FLRT3: variants seen among roughly 807,000 people sequenced by gnomAD.
The protein encoded by FLRT3 is leucine-rich repeat transmembrane protein FLRT3.
A neutral mutation model predicts 42.6 loss-of-function variants in FLRT3; 17 were observed. That is an observed-to-expected ratio of 0.40 (90% CI 0.27 to 0.60). The LOEUF (loss-of-function observed/expected upper bound fraction) is 0.60. FLRT3 is among the 20% of genes least tolerant of loss of function. The pLI is 0.44. For synonymous variants in FLRT3, 279 were observed against 286.4 expected (o/e 0.97, Z 0.26); for missense variants, 635 against 789.2 (o/e 0.80, Z 2.34).
intron 1 of FLRT3, among the ~76,000 whole-genome samples, chr20:14,334,104 A>C: frequency 6.6e-6 from 1 of 152,328 alleles, no homozygotes; most frequent in African/African-American, 2.4e-5. Flanking sequence ...CATATGCAAA[A>C]CAAATGAAAT....
intron 1 of FLRT3, among the ~76,000 whole-genome samples, chr20:14,334,006 T>C (rs1471303766): frequency 6.6e-6 from 1 of 152,226 alleles, no homozygotes; most frequent in Non-Finnish European, 1.5e-5. Flanking sequence ...GAGCAATTTC[T>C]CCCTCCTTTG....
Position 14,326,762 on chromosome 20 carries a change from G to T in FLRT3, c.745C>A (p.Leu249Met). 7 of 1,613,828 alleles carry T rather than the reference G, an allele frequency of 4.3e-6. No individual in the cohort carries two copies. The highest frequency in any genetic ancestry group is 5.9e-6 in the Non-Finnish European group (7 of 1,179,832). Residue 249 changes from leucine (L) to methionine (M), a missense_variant, in exon 3 of 3, where the codon CTG becomes ATG. Physicochemically the swap from Leu to Met is conservative, Grantham distance 15 (BLOSUM62 2). Transcript: ENST00000341420. The surrounding 1 kb of genome is among the most constrained non-coding windows in gnomAD (Gnocchi z 5.5). ...TTATCTTGAAGATAAAGCTTCCTCA[G>T]GTTTGTGCCTGGAAGGTTTACTGGT... ...AAPVNLPGTN[L>M]RKLYLQDNHI...
intron 1 of FLRT3, among the ~76,000 whole-genome samples, chr20:14,334,285 T>C (rs1165823831): frequency 6.6e-6 from 1 of 152,220 alleles, no homozygotes; most frequent in Non-Finnish European, 1.5e-5. Context: ...ATCTGTATTT[T>C]GAAACTGGAA....
At position 14,325,558 on chromosome 20, in the gene FLRT3, C is replaced by T; in HGVS notation, c.1949G>A (p.Ter650=). The stretch of plus-strand genomic sequence containing the variant: ...AAGTCTGCTGTGAGTCCTTCAGCAT[C>T]ATGAGTGTGAGTGATCTGAGTCTGG... ...GIPDSDHSHS[*] The change falls in exon 3 of 3, where the codon TGA becomes TAA. Residue 650 remains the stop codon, a stop_retained_variant. Transcript: ENST00000341420. 6.2e-7 allele frequency: 1 copy of T among 1,606,646 alleles called. No individual in the cohort carries two copies. The highest frequency in any genetic ancestry group is 8.5e-7 in the Non-Finnish European group (1 of 1,175,736).
Position 14,337,506 on chromosome 20 carries a change from C to T in FLRT3, c.-349G>A, listed in dbSNP as rs1216195848. 5.0e-6 allele frequency: 2 copies of T among 398,612 alleles called. No homozygotes were observed. Among genetic ancestry groups the T allele is most frequent in the Non-Finnish European group, 8.8e-6 (2 of 226,176 alleles). 24.7% of individuals were successfully genotyped at this position (398,612 alleles called of 1,614,324 possible). On this transcript the variant is annotated 5_prime_UTR_variant, in exon 1 of 3. Coordinates refer to ENST00000341420, the MANE Select transcript of FLRT3 (RefSeq NM_198391.3). ...GCCCTCCCCCGTCTCCCAAGCTCTG[C>T]GTCCAGTCCACACAAAGCCCACGGC... is the stretch of plus-strand genomic sequence containing the variant.
In FLRT3 at chr20:14,325,903, C is replaced by A. The variant is rs1484982451; in HGVS notation, c.1604G>T (p.Gly535Val). ...PNLPLAAIIG[G>V]AVALVTIALL... ...GGCAATGGTAACCAGGGCCACAGCC[C>A]CACCAATGATGGCAGCCAAAGGTAA... Residue 535 changes from glycine (G) to valine (V), a missense_variant, in exon 3 of 3, where the codon GGG becomes GTG. Transcript: ENST00000341420. The A allele has an allele frequency of 2.6e-5, 42 of 1,613,820 alleles. No homozygotes were observed. In the Admixed American group the frequency reaches 7.0e-4, roughly 27 times the overall value.
rs2082704949 is a variant in FLRT3 at position 14,324,589 on chromosome 20, A to G, written c.*968T>C. On this transcript the variant is annotated 3_prime_UTR_variant, in exon 3 of 3. Transcript: ENST00000341420. ...TCTGGATTGTTGAGGGGAATCGCTT[A>G]TAATTACATTACATTTTTAATATGC... 2 of 152,164 alleles carry G rather than the reference A, an allele frequency of 1.3e-5. No homozygotes were observed. The highest frequency in any genetic ancestry group is 2.9e-5 in the Non-Finnish European group (2 of 68,008). The allele number at this position is 152,164 out of a possible 1,614,324, so 9.4% of individuals were successfully genotyped here.
At position 14,326,454 on chromosome 20, in the gene FLRT3, T is replaced by C. The variant is rs372667293; in HGVS notation, c.1053A>G (p.Glu351=). The C allele has an allele frequency of 4.3e-6, 7 of 1,613,742 alleles. No homozygotes were observed. The African/African-American group carries it at 8.0e-5, about 18-fold the overall frequency. Residue 351 remains glutamate, a synonymous_variant, in exon 3 of 3, where the codon GAA becomes GAG. Transcript: ENST00000341420. This position sits in a 1 kb window ranked among gnomAD's most constrained non-coding sequence, Gnocchi z 5.5. The part of the protein sequence containing the change: ...RGMAIKDLNA[E]LFDCKDSGIV... ...TCCCACTGTCCTTACAATCAAACAG[T>C]TCTGCATTGAGATCCTTAATAGCCA...
intron 1 of FLRT3, among the ~76,000 whole-genome samples, chr20:14,332,496 G>A (rs2082863544): frequency 6.6e-6 from 1 of 152,100 alleles, no homozygotes; most frequent in African/African-American, 2.4e-5. Context: ...CTGTATAATA[G>A]TAGTGCTAAC....
rs550749191 is a variant in FLRT3, at chr20:14,335,693, C to T, written c.-247+1711G>A. On this transcript the variant is annotated intron_variant, in intron 1 of 2. Transcript: ENST00000341420. ...TAACTGGTAGACAGTTTTACAGAAC[C>T]GCAATATTAATGAATTCATTATGTT... Among the ~76,000 whole-genome samples the T allele has an allele frequency of 1.1e-4, 17 of 152,118 alleles. 1 individual carries two copies. The highest frequency in any genetic ancestry group is 6.5e-4 in the Admixed American group (10 of 15,278).
intron 1 of FLRT3, among the ~76,000 whole-genome samples, chr20:14,334,149 C>T (rs1205733695): frequency 6.6e-6 from 1 of 152,132 alleles, no homozygotes. Flanking sequence ...CTATTGCTTT[C>T]TACTTAAAAT....
intron 1 of FLRT3, among the ~76,000 whole-genome samples, chr20:14,335,098 G>T (rs1327198641): frequency 6.6e-6 from 1 of 152,130 alleles, no homozygotes; most frequent in Non-Finnish European, 1.5e-5. Flanking sequence ...TTTTTGTAGG[G>T]CTTAAAACTG....
intron 1 of FLRT3, among the ~76,000 whole-genome samples, chr20:14,332,370 G>A (rs1219559146): frequency 1.3e-5 from 2 of 152,058 alleles, no homozygotes; most frequent in Non-Finnish European, 2.9e-5. Flanking sequence ...TCAAGAGCTT[G>A]CGGCAATCTA....
intron 1 of FLRT3, among the ~76,000 whole-genome samples, chr20:14,334,270 T>C (rs2082896592): frequency 1.3e-5 from 2 of 152,214 alleles, no homozygotes; most frequent in African/African-American, 4.8e-5. Flanking sequence ...AATTGAGTGA[T>C]GTCGATCTGT....
Position 14,324,597 on chromosome 20 carries a change from A to G in FLRT3, c.*960T>C, listed in dbSNP as rs550412395. On this transcript the variant is annotated 3_prime_UTR_variant, in exon 3 of 3. Coordinates refer to ENST00000341420, the MANE Select transcript of FLRT3 (RefSeq NM_198391.3). The stretch of plus-strand genomic sequence containing the variant: ...GTTGAGGGGAATCGCTTATAATTAC[A>G]TTACATTTTTAATATGCATAAAGTT... The G allele has an allele frequency of 6.6e-6, 1 of 152,190 alleles. No homozygotes were observed. The highest frequency in any genetic ancestry group is 1.5e-5 in the Non-Finnish European group (1 of 68,014). 9.4% of individuals were successfully genotyped at this position (152,190 alleles called of 1,614,324 possible).
In FLRT3 at chr20:14,325,893, G is replaced by A; in HGVS notation, c.1614C>T (p.Ala538=). ...AAGCAAGAAGGGCAATGGTAACCAG[G>A]GCCACAGCCCCACCAATGATGGCAG... is the stretch of plus-strand genomic sequence containing the variant. ...PLAAIIGGAV[A]LVTIALLALV... is the part of the protein sequence containing the mutation. Residue 538 remains alanine (A), a synonymous_variant, in exon 3 of 3, where the codon GCC becomes GCT. Transcript: ENST00000341420. The A allele has an allele frequency of 6.2e-7, 1 of 1,613,884 alleles. No individual in the cohort carries two copies. Among genetic ancestry groups the A allele is most frequent in the Non-Finnish European group, 8.5e-7 (1 of 1,179,874 alleles).
At chr20:14,328,473 ATAGATT>A (rs1270216656) in intron 2 of FLRT3, among the ~76,000 whole-genome samples, 3 of 152,120 alleles carry the variant, frequency 2.0e-5, no homozygotes, top group Non-Finnish European at 4.4e-5. Flanking sequence ...CTGGCAAAGT[ATAGATT>A]TATACTGATG....
rs1470084846 is a variant in FLRT3 at position 14,325,711 on chromosome 20, A to C, written c.1796T>G (p.Ile599Arg). ...IRETSFQMLP[I>R]SNEPISKEEF... Reference sequence around the variant, plus strand: ...CTCCTTCGAGATGGGTTCATTGCTTATTGGTAACATCTGAAAAGAAGTTTC... The same window carrying C: ...CTCCTTCGAGATGGGTTCATTGCTTCTTGGTAACATCTGAAAAGAAGTTTC... The change falls in exon 3 of 3, where the codon ATA becomes AGA. Residue 599 changes from isoleucine (I) to arginine (R), a missense_variant. Ile to Arg is a moderately conservative substitution (Grantham distance 97, BLOSUM62 -3). Coordinates refer to ENST00000341420, the MANE Select transcript of FLRT3 (RefSeq NM_198391.3). 3 of 1,613,936 alleles carry C rather than the reference A, an allele frequency of 1.9e-6. No individual in the cohort carries two copies. In the Admixed American group the frequency reaches 5.0e-5, roughly 27 times the overall value.
chr20:14,332,673 C>T (rs2082866353), intron 1 of FLRT3, among the ~76,000 whole-genome samples: 1 of 152,034 alleles, frequency 6.6e-6, no homozygotes, highest in Non-Finnish European at 1.5e-5. Flanking sequence ...TAAAAATATT[C>T]AATCTAAAAT....
Sources: allele counts gnomAD v4.1 joint callset (sites outside exome capture counted in the v4.1 genomes callset), GRCh38; gene constraint gnomAD v4.1.1; non-coding constraint Gnocchi (gnomAD v3.1); transcripts MANE v1.5; gene names NCBI Gene and HGNC (gene_info 2026-07-23, HGNC 2026-07-21).